The following HTR2C variants were observed in gnomAD, a reference collection of about 807,000 sequenced individuals.
The protein encoded by HTR2C is 5-hydroxytryptamine (serotonin) receptor 2C, G protein-coupled.
Under a neutral mutation model 21.0 loss-of-function variants are expected in HTR2C, and 5 were observed. The ratio of observed to expected loss-of-function variants is 0.24; its 90% confidence interval spans 0.12 to 0.50. The LOEUF is 0.50. Among genes scored for constraint, HTR2C ranks in the 20% least tolerant of loss-of-function variants. The pLI is 0.98. For missense variants in HTR2C, 271 were observed against 371.2 expected (o/e 0.73, Z 2.22); for synonymous variants, 150 against 145.3 (o/e 1.03, Z -0.23).
At chrX:114,864,549 G>A (rs1295520740) in intron 5 of HTR2C, among the ~76,000 whole-genome samples, 2 of 111,059 alleles carry the variant, frequency 1.8e-5, no homozygotes, top group African/African-American at 3.3e-5. Context: ...CTAGCAATGC[G>A]TATAATTTAT....
chrX:114,720,046 C>T (rs1556420381), intron 2 of HTR2C, among the ~76,000 whole-genome samples: 1 of 111,630 alleles, frequency 9.0e-6, no homozygotes, highest in East Asian at 2.8e-4. Flanking sequence ...TTATTGAGGG[C>T]TAAGAAGCAG....
At chrX:114,837,021 A>G (rs2070792960) in intron 4 of HTR2C, among the ~76,000 whole-genome samples, 1 of 111,678 alleles carries the variant, frequency 9.0e-6, no homozygotes, top group South Asian at 3.7e-4. Flanking sequence ...TAATTATTAA[A>G]TATTTGAGAG....
At chrX:114,676,740 C>A (rs1021007468) in intron 2 of HTR2C, among the ~76,000 whole-genome samples, 33 of 112,102 alleles carry the variant, frequency 2.9e-4, no homozygotes, top group African/African-American at 1.0e-3. Context: ...TGTTTTTGTG[C>A]TTTTTGCCTT....
intron 4 of HTR2C, among the ~76,000 whole-genome samples, chrX:114,845,875 T>C (rs139826486): frequency 2.0e-3 from 221 of 109,678 alleles, no homozygotes; most frequent in African/African-American, 7.1e-3. Flanking sequence ...TAGACAGGTA[T>C]GGTGCCACAT....
chrX:114,764,925 TTTC>T (rs2069928936), intron 4 of HTR2C, among the ~76,000 whole-genome samples: 6 of 46,220 alleles, frequency 1.3e-4, no homozygotes, highest in Non-Finnish European at 2.4e-4. Context: ...CTTTCTTTCT[TTTC>T]CTTCCTTCCT....
intron 4 of HTR2C, among the ~76,000 whole-genome samples, chrX:114,786,917 C>CT (rs1392285616): frequency 9.1e-6 from 1 of 110,172 alleles, no homozygotes; most frequent in African/African-American, 3.3e-5. Context: ...TTGTTTTTTG[C>CT]TTTTTTCCCC....
chrX:114,857,989 C>T (rs979692396), intron 5 of HTR2C, among the ~76,000 whole-genome samples: 2 of 111,076 alleles, frequency 1.8e-5, no homozygotes, highest in South Asian at 3.7e-4. Flanking sequence ...ATTACAATGG[C>T]GTCATTCTCA....
chrX:114,637,799 G>A (rs782082610), intron 2 of HTR2C, among the ~76,000 whole-genome samples: 1 of 111,369 alleles, frequency 9.0e-6, no homozygotes, highest in African/African-American at 3.3e-5. Context: ...AACCTGAAAA[G>A]CCATGACATT....
chrX:114,731,161 GATGATGACAATGATGCTGATGATGATA>G, intron 3 of HTR2C, 106 bp from the exon 4 acceptor site: 3 of 459,096 alleles, frequency 6.5e-6, no homozygotes, highest in Non-Finnish European at 1.1e-5. Context: ...TAGAAATAAT[GATGATGACAATGATGCTGATGATGATA>G]ATGATGACAA....
intron 4 of HTR2C, among the ~76,000 whole-genome samples, chrX:114,845,909 A>C (rs1197546185): frequency 9.1e-6 from 1 of 110,329 alleles, no homozygotes; most frequent in Non-Finnish European, 1.9e-5. Context: ...GCTACTCAGG[A>C]GGCTTAGTTA....
At chrX:114,748,749 A>C (rs2069729312) in intron 4 of HTR2C, among the ~76,000 whole-genome samples, 1 of 112,277 alleles carries the variant, frequency 8.9e-6, no homozygotes, top group Non-Finnish European at 1.9e-5. Flanking sequence ...TGGAATATAG[A>C]GCTAAATTTA....
intron 2 of HTR2C, among the ~76,000 whole-genome samples, chrX:114,705,781 A>T (rs1277908865): frequency 4.2e-5 from 3 of 71,553 alleles, no homozygotes; most frequent in African/African-American, 1.4e-4. Context: ...AACCTACAGA[A>T]TGGGAGAAAA....
intron 4 of HTR2C, among the ~76,000 whole-genome samples, chrX:114,812,752 AC>A (rs151079147): frequency 0.065 from 1,624 of 25,062 alleles, 47 homozygotes; most frequent in African/African-American, 0.19. Context: ...AAACAAACAA[AC>A]AAAAAAAAAA....
chrX:114,637,556 G>T (rs1929888798), intron 2 of HTR2C, among the ~76,000 whole-genome samples: 1 of 111,651 alleles, frequency 9.0e-6, no homozygotes, highest in Non-Finnish European at 1.9e-5. Context: ...TTATTTCAGG[G>T]TCTAGAAGCA....
intron 2 of HTR2C, among the ~76,000 whole-genome samples, chrX:114,709,009 A>G (rs181903561): frequency 8.9e-6 from 1 of 111,917 alleles, no homozygotes; most frequent in Non-Finnish European, 1.9e-5. Flanking sequence ...AGGCAGTGCT[A>G]TCTTGTGAAT....
chrX:114,889,981 T>A (rs782589175), intron 5 of HTR2C, among the ~76,000 whole-genome samples: 1 of 111,858 alleles, frequency 8.9e-6, no homozygotes, highest in East Asian at 2.8e-4. Context: ...GTTCTGATGA[T>A]GTTGAATCTA....
At chrX:114,648,745 A>G (rs1930451563) in intron 2 of HTR2C, among the ~76,000 whole-genome samples, 1 of 111,691 alleles carries the variant, frequency 9.0e-6, no homozygotes, top group Non-Finnish European at 1.9e-5. Flanking sequence ...AAGTTATGCA[A>G]ATTGACAGAT....
intron 2 of HTR2C, among the ~76,000 whole-genome samples, chrX:114,699,917 G>T (rs184062791): frequency 1.8e-5 from 2 of 111,438 alleles, no homozygotes; most frequent in African/African-American, 6.5e-5. Flanking sequence ...AACATCAAAA[G>T]TTGCTACCAC....
At chrX:114,617,453 A>C (rs782611136) in intron 2 of HTR2C, among the ~76,000 whole-genome samples, 1 of 112,351 alleles carries the variant, frequency 8.9e-6, no homozygotes, top group Non-Finnish European at 1.9e-5. Flanking sequence ...AAGAAAAAAA[A>C]GAAAGAAAAA....
Sources: allele counts gnomAD v4.1 joint callset (sites outside exome capture counted in the v4.1 genomes callset), GRCh38; gene constraint gnomAD v4.1.1; transcripts MANE v1.5; gene names NCBI Gene and HGNC (gene_info 2026-07-23, HGNC 2026-07-21).